The following LRRC49 variants were observed in gnomAD, a reference collection of about 807,000 sequenced individuals.
The protein encoded by LRRC49 is leucine-rich repeat-containing protein 49.
In LRRC49, 50 loss-of-function variants were observed where a neutral mutation model predicts 83.3. That is an observed-to-expected ratio of 0.60 (90% CI 0.48 to 0.76). The LOEUF (loss-of-function observed/expected upper bound fraction) is 0.76. Among genes scored for constraint, LRRC49 ranks in the 30% least tolerant of loss-of-function variants. LRRC49 has a pLI of 0.00. For missense variants in LRRC49, 704 were observed against 809.1 expected, an observed-to-expected ratio of 0.87 and a Z score of 1.58; for synonymous variants, 286 against 283.3, an observed-to-expected ratio of 1.01 and a Z score of -0.10.
chr15:70,886,729 G>A (rs968486646), intron 2 of LRRC49, among the ~76,000 whole-genome samples: 22 of 152,194 alleles, frequency 1.4e-4, no homozygotes, highest in Middle Eastern at 3.4e-3. Context: ...AGCTGGGTGC[G>A]GTGGCAGGCA....
chr15:70,864,818 T>C (rs541323722), intron 1 of LRRC49, among the ~76,000 whole-genome samples: 1 of 152,292 alleles, frequency 6.6e-6, no homozygotes, highest in East Asian at 1.9e-4. Context: ...GTTCTTCTCA[T>C]AACTTGGGCT....
chr15:70,891,972 C>T, upstream of LRRC49: 1 of 1,613,574 alleles, frequency 6.2e-7, no homozygotes, highest in Non-Finnish European at 8.5e-7. Flanking sequence ...TCTCCCTCCT[C>T]TCCCCTCTTA....
intron 15 of LRRC49, 24 bp downstream of exon 15, chr15:71,037,356 G>C (rs374869287): frequency 6.4e-7 from 1 of 1,562,444 alleles, no homozygotes; most frequent in African/African-American, 1.4e-5. Context: ...TAATCTTTGC[G>C]ATCTAATGCC....
At position 71,008,580 on chromosome 15, in the gene LRRC49, G is replaced by T. The variant is rs1157902693; in HGVS notation, c.1371G>T (p.Val457=). ...TFIEFDEIVQ[V]LPKLKIKFPN... ...TAGAATTTGATGAAATCGTCCAAGTGCTTCCTAAACTGAAGATTAAGTTTC... is the reference window on the plus strand; with the variant it reads ...TAGAATTTGATGAAATCGTCCAAGTTCTTCCTAAACTGAAGATTAAGTTTC... The change falls in exon 12 of 16, where the codon GTG becomes GTT. Residue 457 remains valine, a synonymous_variant. Transcript: ENST00000260382. 1.9e-6 allele frequency: 3 copies of T among 1,612,316 alleles called. No individual in the cohort carries two copies. The highest frequency in any genetic ancestry group is 2.5e-6 in the Non-Finnish European group (3 of 1,178,860).
At chr15:71,036,203 T>C (rs1427646676) in intron 14 of LRRC49, among the ~76,000 whole-genome samples, 1 of 152,240 alleles carries the variant, frequency 6.6e-6, no homozygotes, top group East Asian at 1.9e-4. Context: ...GTTTTTTTCT[T>C]GTAAATTTGT....
chr15:70,859,718 G>T, intron 1 of LRRC49: 1 of 688,302 alleles, frequency 1.5e-6, no homozygotes, highest in South Asian at 1.4e-5. Flanking sequence ...GGCCACCATC[G>T]CAGATGTGGA....
intron 11 of LRRC49, among the ~76,000 whole-genome samples, chr15:70,997,331 G>A (rs183090230): frequency 5.3e-5 from 8 of 152,088 alleles, no homozygotes; most frequent in East Asian, 1.9e-4. Context: ...TCTATTTAAC[G>A]TAATATTAGT....
intron 5 of LRRC49, among the ~76,000 whole-genome samples, chr15:70,909,092 T>C (rs1230665308): frequency 2.6e-5 from 4 of 152,202 alleles, no homozygotes; most frequent in Non-Finnish European, 5.9e-5. Context: ...TTAAAGGTGC[T>C]CAGGATTTCT....
intron 9 of LRRC49, among the ~76,000 whole-genome samples, chr15:70,971,771 G>A (rs539811388): frequency 1.2e-3 from 156 of 130,276 alleles, no homozygotes; most frequent in African/African-American, 4.2e-3. Flanking sequence ...AGTCTGTTTT[G>A]TCAGAGACTA....
Position 71,035,913 on chromosome 15 carries a change from A to C in LRRC49, c.1704-1266A>C, listed in dbSNP as rs149231489. ...TCTGGTTCCAGGCCTTCAAAGAATCATCACACTGTCTTCCACAATGGTTGA... is the reference window on the plus strand; with the variant it reads ...TCTGGTTCCAGGCCTTCAAAGAATCCTCACACTGTCTTCCACAATGGTTGA... On this transcript the variant is annotated intron_variant, in intron 14 of 15. Coordinates refer to ENST00000260382, the MANE Select transcript of LRRC49 (RefSeq NM_017691.5). Among the ~76,000 whole-genome samples the C allele has an allele frequency of 3.7e-3, 558 of 152,296 alleles. 2 individuals carry two copies. The highest frequency in any genetic ancestry group is 6.2e-3 in the Non-Finnish European group (425 of 68,014).
chr15:70,886,994 TACATTTAA>T, intron 2 of LRRC49, among the ~76,000 whole-genome samples: 1 of 152,232 alleles, frequency 6.6e-6, no homozygotes, highest in South Asian at 2.1e-4. Context: ...TTTGTGTCAA[TACATTTAA>T]AAATTTAGAT....
intron 9 of LRRC49, among the ~76,000 whole-genome samples, chr15:70,967,355 CT>C (rs1186926869): frequency 2.6e-5 from 4 of 152,022 alleles, no homozygotes; most frequent in Non-Finnish European, 1.5e-5. Flanking sequence ...ATTAAGAAGA[CT>C]GTCTTTCTGG....
chr15:70,863,800 C>G (rs1044316760), intron 1 of LRRC49, among the ~76,000 whole-genome samples: 1 of 152,222 alleles, frequency 6.6e-6, no homozygotes, highest in Non-Finnish European at 1.5e-5. Flanking sequence ...TACATGAAAA[C>G]TGAAAAGCCT....
intron 11 of LRRC49, among the ~76,000 whole-genome samples, chr15:71,004,079 C>T (rs557995447): frequency 1.3e-5 from 2 of 152,312 alleles, no homozygotes; most frequent in South Asian, 4.1e-4. Flanking sequence ...TGCTTAAAAA[C>T]TTGCATTGAA....
At chr15:70,971,566 G>A (rs527740961) in intron 9 of LRRC49, among the ~76,000 whole-genome samples, 1 of 152,004 alleles carries the variant, frequency 6.6e-6, no homozygotes, top group African/African-American at 2.4e-5. Context: ...TTGACAGTGG[G>A]GTGTTAAAAT....
chr15:70,882,660 AATAAGC>A, intron 2 of LRRC49: 1 of 1,613,238 alleles, frequency 6.2e-7, no homozygotes, highest in South Asian at 1.1e-5. Context: ...CCTGAAAGAG[AATAAGC>A]ATAAGTACCT....
rs763041814 is a variant in LRRC49, at chr15:71,037,238, A to G, written c.1763A>G (p.Glu588Gly). Residue 588 changes from glutamate to glycine, a missense_variant, in exon 15 of 16, where the codon GAA becomes GGA. By Grantham distance (98) the Glu-to-Gly change is moderately conservative. Coordinates refer to ENST00000260382, the MANE Select transcript of LRRC49 (RefSeq NM_017691.5). The part of the protein sequence containing the change: ...SKGKKPGIIN[E>G]ENNDSKRLVG... ...GGAAAAAAACCTGGTATTATCAACG[A>G]AGAAAATAATGACAGCAAAAGACTT... 5.6e-6 allele frequency: 9 copies of G among 1,611,504 alleles called. No homozygotes were observed. The Admixed American group carries it at 1.5e-4, about 27-fold the overall frequency.
chr15:70,873,084 C>T (rs966641448), exon 2 of LRRC49: 9 of 746,618 alleles, frequency 1.2e-5, no homozygotes, highest in African/African-American at 8.6e-5. Flanking sequence ...GGGGTTTCAC[C>T]ATCTTGGCCA....
intron 14 of LRRC49, among the ~76,000 whole-genome samples, chr15:71,031,058 T>C (rs750772039): frequency 6.6e-6 from 1 of 151,782 alleles, no homozygotes; most frequent in Non-Finnish European, 1.5e-5. Context: ...TGGGGAGGAG[T>C]TGCAATCATT....
Sources: allele counts gnomAD v4.1 joint callset (sites outside exome capture counted in the v4.1 genomes callset), GRCh38; gene constraint gnomAD v4.1.1; transcripts MANE v1.5; gene names NCBI Gene and HGNC (gene_info 2026-07-23, HGNC 2026-07-21).